Variants in ZMIZ2 observed in about 807,000 individuals in gnomAD.
ZMIZ2 encodes the protein zinc finger MIZ domain-containing protein 2.
Under a neutral mutation model 93.9 loss-of-function variants are expected in ZMIZ2, and 26 were observed. The ratio of observed to expected loss-of-function variants is 0.28; its 90% CI spans 0.20 to 0.38. The LOEUF (loss-of-function observed/expected upper bound fraction) is 0.38. Ranked by LOEUF, ZMIZ2 falls within the 10% of genes least tolerant of loss-of-function variation. ZMIZ2 has a pLI of 1.00. For missense variants in ZMIZ2, 1,023 were observed against 1,235.0 expected, an observed-to-expected ratio of 0.83 and a Z score of 2.57; for synonymous variants, 485 against 516.4, an observed-to-expected ratio of 0.94 and a Z score of 0.82.
At position 44,765,161 on chromosome 7, in the gene ZMIZ2, C is replaced by T. The variant is rs150525921; in HGVS notation, c.1997+152C>T. ...CCAGGCCAGAGACAGCGTGTGTGTCCTACCTGAGTGTTGGTGCTGGGCCCA... is the reference window on the plus strand; with the variant it reads ...CCAGGCCAGAGACAGCGTGTGTGTCTTACCTGAGTGTTGGTGCTGGGCCCA... On this transcript the variant is annotated intron_variant, in intron 15 of 18. Transcript: ENST00000309315. The surrounding 1 kb of genome is among the most constrained non-coding windows in gnomAD (Gnocchi z 4.1). 1.2e-3 allele frequency: 1,756 copies of T among 1,437,224 alleles called. 1 individual carries two copies. Among genetic ancestry groups the T allele is most frequent in the Non-Finnish European group, 1.6e-3 (1,658 of 1,052,972 alleles). 89.0% of individuals were successfully genotyped at this position (1,437,224 alleles called of 1,614,324 possible). A position where few individuals can be genotyped will look rare whatever the true frequency, so the allele number is the denominator to read the frequency against.
chr7:44,750,770 C>G (rs917147638), intron 1 of ZMIZ2, among the ~76,000 whole-genome samples: 1 of 151,930 alleles, frequency 6.6e-6, no homozygotes, highest in Non-Finnish European at 1.5e-5. Flanking sequence ...CTGACCTTGT[C>G]CATCTCTCAA....
At chr7:44,767,449 C>A in intron 18 of ZMIZ2, 67 bp from the exon 19 acceptor site, 1 of 1,311,608 alleles carries the variant, frequency 7.6e-7, no homozygotes, top group Non-Finnish European at 1.1e-6. Context: ...GATGTGGTGA[C>A]AGGATGGTCA....
In ZMIZ2 at chr7:44,765,827, T is replaced by G; in HGVS notation, c.2242+248T>G. On this transcript the variant is annotated intron_variant, in intron 16 of 18. Coordinates refer to ENST00000309315, the MANE Select transcript of ZMIZ2 (RefSeq NM_031449.4). The surrounding 1 kb of genome is among the most constrained non-coding windows in gnomAD (Gnocchi z 4.1). ...GGGGCCTCCACCCTTCCTTCCCCGT[T>G]TGGATTAAGGGGCTCCTGGCTGGAA... 1 of 1,055,238 alleles carries G rather than the reference T, an allele frequency of 9.5e-7. No individual in the cohort carries two copies. The highest frequency in any genetic ancestry group is 1.3e-6 in the Non-Finnish European group (1 of 762,084). The allele number at this position is 1,055,238 out of a possible 1,614,324, so 65.4% of individuals were successfully genotyped here. A position where few individuals can be genotyped will look rare whatever the true frequency, so the allele number is the denominator to read the frequency against.
chr7:44,759,005 C>T (rs1790880341), intron 6 of ZMIZ2, among the ~76,000 whole-genome samples: 1 of 150,180 alleles, frequency 6.7e-6, no homozygotes, highest in Non-Finnish European at 1.5e-5. Context: ...TTGCTTGAAC[C>T]CAGGAGGTGG....
At position 44,765,752 on chromosome 7, in the gene ZMIZ2, A is replaced by T. The variant is rs974391794; in HGVS notation, c.2242+173A>T. The T allele has an allele frequency of 2.7e-6, 3 of 1,105,974 alleles. No individual in the cohort carries two copies. The highest frequency in any genetic ancestry group is 2.9e-4 in the Middle Eastern group (1 of 3,444). 68.5% of individuals were successfully genotyped at this position (1,105,974 alleles called of 1,614,324 possible). A position where few individuals can be genotyped will look rare whatever the true frequency, so the allele number is the denominator to read the frequency against. ...ACCTCCAGCCCCTCCCATCTCAGGG[A>T]CGTGGCGGTGAAGGCACAGTCTCAG... On this transcript the variant is annotated intron_variant, in intron 16 of 18. Coordinates refer to ENST00000309315, the MANE Select transcript of ZMIZ2 (RefSeq NM_031449.4). The surrounding 1 kb of genome is among the most constrained non-coding windows in gnomAD (Gnocchi z 4.1).
chr7:44,765,776 A>G lies in ZMIZ2; in HGVS notation c.2242+197A>G, dbSNP rs1562748854. ...GACGTGGCGGTGAAGGCACAGTCTC[A>G]GCTATGGTCCCAGGAAACAGACAGT... On this transcript the variant is annotated intron_variant, in intron 16 of 18. Transcript: ENST00000309315. The surrounding 1 kb of genome is among the most constrained non-coding windows in gnomAD (Gnocchi z 4.1). 9.7e-7 allele frequency: 1 copy of G among 1,028,044 alleles called. No homozygotes were observed. The highest frequency in any genetic ancestry group is 1.4e-6 in the Non-Finnish European group (1 of 729,240). 63.7% of individuals were successfully genotyped at this position (1,028,044 alleles called of 1,614,324 possible). A position where few individuals can be genotyped will look rare whatever the true frequency, so the allele number is the denominator to read the frequency against.
intron 2 of ZMIZ2, 24 bp downstream of exon 2, chr7:44,756,323 C>A (rs768390511): frequency 2.3e-5 from 37 of 1,613,854 alleles, no homozygotes; most frequent in Non-Finnish European, 3.1e-5. Flanking sequence ...CCTCTGCCCA[C>A]CCCTCAGGCC....
chr7:44,762,883 C>T lies in ZMIZ2; in HGVS notation c.1599C>T (p.Ser533=). The T allele has an allele frequency of 1.2e-6, 2 of 1,607,326 alleles. No homozygotes were observed. Among genetic ancestry groups the T allele is most frequent in the Non-Finnish European group, 8.5e-7 (1 of 1,175,622 alleles). The change falls in exon 12 of 19, where the codon TCC becomes TCT. Residue 533 remains serine (S), a splice_region_variant and synonymous_variant. Transcript: ENST00000309315. ...GACATCCTCCCGTTGTATTGCAGTCCCACCTCTTCGTGCTGCAGCTAGTGC... is the reference window on the plus strand; with the variant it reads ...GACATCCTCCCGTTGTATTGCAGTCTCACCTCTTCGTGCTGCAGCTAGTGC... The part of the protein sequence containing the change: ...IQITVTACCC[S]HLFVLQLVHR...
rs2116893749 is a variant in ZMIZ2, at chr7:44,765,738, C to T, written c.2242+159C>T. On this transcript the variant is annotated intron_variant, in intron 16 of 18. Coordinates refer to ENST00000309315, the MANE Select transcript of ZMIZ2 (RefSeq NM_031449.4). The surrounding 1 kb of genome is among the most constrained non-coding windows in gnomAD (Gnocchi z 4.1). ...ACATGCCGCGGGGCACCTCCAGCCC[C>T]TCCCATCTCAGGGACGTGGCGGTGA... is the stretch of plus-strand genomic sequence containing the variant. 1.7e-6 allele frequency: 2 copies of T among 1,195,582 alleles called. No individual in the cohort carries two copies. Among genetic ancestry groups the T allele is most frequent in the East Asian group, 2.6e-5 (1 of 39,144 alleles). 74.1% of individuals were successfully genotyped at this position (1,195,582 alleles called of 1,614,324 possible).
At chr7:44,755,593 T>G (rs772277115) in intron 1 of ZMIZ2, among the ~76,000 whole-genome samples, 1 of 152,152 alleles carries the variant, frequency 6.6e-6, no homozygotes, top group Non-Finnish European at 1.5e-5. Context: ...AAGGCCAGGA[T>G]GGAGAGTTGT....
Position 44,766,134 on chromosome 7 carries a change from C to T in ZMIZ2, c.2243-30C>T. ...CTGCCAGCGGTGGCCTTCCCCAGCC[C>T]TCACCCAGGCCCCGACTCTCCTCTC... On this transcript the variant is annotated intron_variant, in intron 16 of 18. Coordinates refer to ENST00000309315, the MANE Select transcript of ZMIZ2 (RefSeq NM_031449.4). This position sits in a 1 kb window ranked among gnomAD's most constrained non-coding sequence, Gnocchi z 4.4. 2.5e-6 allele frequency: 4 copies of T among 1,581,590 alleles called. No homozygotes were observed. The highest frequency in any genetic ancestry group is 3.4e-6 in the Non-Finnish European group (4 of 1,166,194).
In ZMIZ2 at chr7:44,760,583, A is replaced by G. The variant is rs201039763; in HGVS notation, c.1230A>G (p.Ser410=). 1.6e-4 allele frequency: 263 copies of G among 1,613,672 alleles called. 1 individual carries two copies. The East Asian group carries it at 3.3e-3, about 20-fold the overall frequency. ...AGCCCAACCTCAACTCCTTGCACTC[A>G]TCGCCCTCTGGTAAGTCTGTCCACT... ...DLKPNLNSLH[S]SPSGSGPCDE... Residue 410 remains serine, a synonymous_variant, in exon 9 of 19, where the codon TCA becomes TCG. Coordinates refer to ENST00000309315, the MANE Select transcript of ZMIZ2 (RefSeq NM_031449.4).
chr7:44,764,577 C>T (rs775601054), intron 14 of ZMIZ2, 91 bp downstream of exon 14: 43 of 1,418,882 alleles, frequency 3.0e-5, no homozygotes, highest in Admixed American at 1.5e-4. Context: ...ATCAAAGATA[C>T]GAGCCTGCTG....
rs1349442174 is a variant in ZMIZ2, at chr7:44,767,557, C to T, written c.2697C>T (p.Tyr899=). 6.2e-7 allele frequency: 1 copy of T among 1,614,076 alleles called. No individual in the cohort carries two copies. Among genetic ancestry groups the T allele is most frequent in the Admixed American group, 1.7e-5 (1 of 60,008 alleles). The change falls in exon 19 of 19, where the codon TAC becomes TAT. Residue 899 remains tyrosine, a synonymous_variant. Coordinates refer to ENST00000309315, the MANE Select transcript of ZMIZ2 (RefSeq NM_031449.4). ...ELTNPDELLS[Y]LGPPDLPTNN... is the part of the protein sequence containing the mutation. ...CCAACCCTGATGAGCTACTGTCCTA[C>T]TTGGGCCCACCCGACCTCCCTACGA...
At chr7:44,764,334 A>AT in intron 13 of ZMIZ2, 85 bp from the exon 14 acceptor site, 1 of 1,305,716 alleles carries the variant, frequency 7.7e-7, no homozygotes. Context: ...TAAGTCACAC[A>AT]TTCCTGAAAA....
intron 6 of ZMIZ2, 69 bp from the exon 7 acceptor site, chr7:44,759,212 C>T: frequency 2.9e-6 from 4 of 1,386,534 alleles, no homozygotes; most frequent in Non-Finnish European, 3.8e-6. Flanking sequence ...ACATGAGACT[C>T]TACTTCCTTC....
chr7:44,760,457 C>G lies in ZMIZ2; in HGVS notation c.1104C>G (p.Ser368=). The G allele has an allele frequency of 6.2e-7, 1 of 1,614,122 alleles. No homozygotes were observed. The highest frequency in any genetic ancestry group is 8.5e-7 in the Non-Finnish European group (1 of 1,180,008). Reference sequence around the variant, plus strand: ...GTTCCATCCCGGGCTATCCCAGTTCCCCACTGCCAGGGAACCCCACGCCAC... The same window carrying G: ...GTTCCATCCCGGGCTATCCCAGTTCGCCACTGCCAGGGAACCCCACGCCAC... ...PTRSIPGYPS[S]PLPGNPTPPM... The change falls in exon 9 of 19, where the codon TCC becomes TCG. Residue 368 remains serine (S), a synonymous_variant. Transcript: ENST00000309315.
Position 44,763,124 on chromosome 7 carries a change from G to A in ZMIZ2, c.1703-132G>A. On this transcript the variant is annotated intron_variant, in intron 12 of 18. Coordinates refer to ENST00000309315, the MANE Select transcript of ZMIZ2 (RefSeq NM_031449.4). The surrounding 1 kb of genome is among the most constrained non-coding windows in gnomAD (Gnocchi z 5.6). Reference sequence around the variant, plus strand: ...GACAGGTGGCTCTGCAGTAGGGGCAGTGGTTAGTTCCAGGTGGCCCCTCAG... The same window carrying A: ...GACAGGTGGCTCTGCAGTAGGGGCAATGGTTAGTTCCAGGTGGCCCCTCAG... The A allele has an allele frequency of 6.9e-7, 1 of 1,449,146 alleles. No homozygotes were observed. The highest frequency in any genetic ancestry group is 9.5e-7 in the Non-Finnish European group (1 of 1,056,088). The allele number at this position is 1,449,146 out of a possible 1,614,324, so 89.8% of individuals were successfully genotyped here.
At chr7:44,752,494 T>C (rs1790240986) in intron 1 of ZMIZ2, among the ~76,000 whole-genome samples, 1 of 152,158 alleles carries the variant, frequency 6.6e-6, no homozygotes. Context: ...ATTACAGAAA[T>C]GGAGAAGAGA....
Sources: gnomAD v4.1 joint callset for allele counts (sites outside exome capture counted in the v4.1 genomes callset) on GRCh38, gnomAD v4.1.1 for gene constraint, Gnocchi (gnomAD v3.1) non-coding constraint, MANE v1.5 for transcripts, NCBI Gene and HGNC (gene_info 2026-07-23, HGNC 2026-07-21) for gene names.